Variants in PLXNA4 observed in about 807,000 individuals in gnomAD.
PLXNA4 encodes the protein plexin A4.
Under a neutral mutation model 191.8 loss-of-function variants are expected in PLXNA4, and 44 were observed. The observed-to-expected ratio is 0.23, with a 90% CI of 0.18 to 0.29. PLXNA4 has a LOEUF of 0.29. PLXNA4 is among the 10% of genes least tolerant of loss of function. The pLI is 1.00. For synonymous variants in PLXNA4, 1,082 were observed against 1,009.5 expected (o/e 1.07, Z -1.36); for missense variants, 1,800 against 2,488.8 (o/e 0.72, Z 5.89).
chr7:132,621,211 C>T (rs1322257382), intron 2 of PLXNA4, among the ~76,000 whole-genome samples: 1 of 149,502 alleles, frequency 6.7e-6, no homozygotes, highest in Admixed American at 6.7e-5. Flanking sequence ...AACTGCTGGT[C>T]ATTTAGGTGA....
intron 2 of PLXNA4, among the ~76,000 whole-genome samples, chr7:132,621,800 C>T (rs1363927287): frequency 6.6e-6 from 1 of 152,218 alleles, no homozygotes; most frequent in Non-Finnish European, 1.5e-5. Context: ...CATCATCAAA[C>T]TTTAAAACCA....
intron 4 of PLXNA4, among the ~76,000 whole-genome samples, chr7:132,293,406 A>G (rs1478886541): frequency 6.6e-6 from 1 of 152,162 alleles, no homozygotes; most frequent in Non-Finnish European, 1.5e-5. Flanking sequence ...AAACCACCGG[A>G]TCTTGTGAGA....
chr7:132,299,135 A>C (rs1212589332), intron 3 of PLXNA4, among the ~76,000 whole-genome samples: 1 of 152,202 alleles, frequency 6.6e-6, no homozygotes, highest in Middle Eastern at 3.2e-3. Flanking sequence ...TGCTAAAAAC[A>C]CCACTCCCAT....
chr7:132,246,764 A>G (rs1055196863), intron 4 of PLXNA4, among the ~76,000 whole-genome samples: 2 of 141,198 alleles, frequency 1.4e-5, no homozygotes, highest in African/African-American at 5.8e-5. Context: ...GCTGTTGTAC[A>G]TGCAATCATC....
At chr7:132,192,603 A>G (rs955230354) in intron 14 of PLXNA4, among the ~76,000 whole-genome samples, 1 of 151,686 alleles carries the variant, frequency 6.6e-6, no homozygotes, top group African/African-American at 2.4e-5. Flanking sequence ...TGAAAGCCAA[A>G]CTCCCCATGA....
At chr7:132,334,855 C>G (rs910237417) in intron 3 of PLXNA4, among the ~76,000 whole-genome samples, 1 of 152,192 alleles carries the variant, frequency 6.6e-6, no homozygotes, top group African/African-American at 2.4e-5. Context: ...ACAAAAGACT[C>G]TCCCCAGGGT....
chr7:132,148,962 A>G (rs867994116), intron 25 of PLXNA4, among the ~76,000 whole-genome samples: 1 of 152,212 alleles, frequency 6.6e-6, no homozygotes, highest in Non-Finnish European at 1.5e-5. Flanking sequence ...CAAACAAAAG[A>G]GGCACATAAT....
intron 5 of PLXNA4, 86 bp downstream of exon 5, chr7:132,240,980 G>GGAA: frequency 1.1e-6 from 1 of 877,032 alleles, no homozygotes; most frequent in Non-Finnish European, 1.7e-6. Context: ...CAGATCAAAG[G>GGAA]GAAGGGCAGT....
intron 4 of PLXNA4, among the ~76,000 whole-genome samples, chr7:132,291,257 C>A (rs1800881263): frequency 6.6e-6 from 1 of 152,214 alleles, no homozygotes; most frequent in South Asian, 2.1e-4. Flanking sequence ...CTGCTTTTTG[C>A]TCAAAAGTTC....
At chr7:132,228,620 G>T in intron 5 of PLXNA4, 151 bp from the exon 6 acceptor site, 1 of 1,011,634 alleles carries the variant, frequency 9.9e-7, no homozygotes, top group Non-Finnish European at 1.4e-6. Flanking sequence ...CCTCAAGCCT[G>T]GTCCTCCTCC....
At chr7:132,564,647 C>T (rs1164432807) in intron 1 of PLXNA4, among the ~76,000 whole-genome samples, 1 of 152,206 alleles carries the variant, frequency 6.6e-6, no homozygotes, top group African/African-American at 2.4e-5. Flanking sequence ...ACAGTAGGCA[C>T]TCAATAAATA....
At chr7:132,291,136 C>T (rs903432466) in intron 4 of PLXNA4, among the ~76,000 whole-genome samples, 9 of 152,132 alleles carry the variant, frequency 5.9e-5, no homozygotes, top group Admixed American at 2.0e-4. Flanking sequence ...GCAGCCCGTC[C>T]GGTGTCCTCA....
At chr7:132,511,644 T>C (rs145343174) in intron 1 of PLXNA4, among the ~76,000 whole-genome samples, 162 of 152,192 alleles carry the variant, frequency 1.1e-3, no homozygotes, top group East Asian at 3.1e-3. Flanking sequence ...GTTAAGTGCT[T>C]AGGAAATGAT....
intron 27 of PLXNA4, 129 bp downstream of exon 27, chr7:132,147,771 C>T: frequency 1.6e-6 from 2 of 1,276,238 alleles, no homozygotes; most frequent in Non-Finnish European, 2.2e-6. Context: ...GCTCTCTTCC[C>T]CGATGGTCAG....
At chr7:132,546,830 T>C (rs954484876) in intron 1 of PLXNA4, among the ~76,000 whole-genome samples, 3 of 152,178 alleles carry the variant, frequency 2.0e-5, no homozygotes, top group Non-Finnish European at 4.4e-5. Flanking sequence ...GCAGGGACTT[T>C]GTAACTTTCA....
At chr7:132,240,589 C>T (rs10244207) in intron 5 of PLXNA4, among the ~76,000 whole-genome samples, 1 of 152,166 alleles carries the variant, frequency 6.6e-6, no homozygotes, top group South Asian at 2.1e-4. Flanking sequence ...TCCTTTGGAG[C>T]TGTTGAAGTA....
intron 2 of PLXNA4, among the ~76,000 whole-genome samples, chr7:132,596,035 T>A (rs1455377187): frequency 6.6e-6 from 1 of 152,230 alleles, no homozygotes; most frequent in African/African-American, 2.4e-5. Flanking sequence ...TAGGGTTTTT[T>A]TACAATTACC....
At chr7:132,526,612 C>T (rs1221980999) in intron 1 of PLXNA4, among the ~76,000 whole-genome samples, 2 of 152,196 alleles carry the variant, frequency 1.3e-5, no homozygotes, top group East Asian at 1.9e-4. Context: ...AGTGCATGTA[C>T]TCCTGGCGCC....
chr7:132,529,884 C>T (rs933644389), intron 1 of PLXNA4, among the ~76,000 whole-genome samples: 14 of 152,166 alleles, frequency 9.2e-5, no homozygotes, highest in African/African-American at 4.8e-5. Flanking sequence ...GGATTACAGG[C>T]GTGAGCCACC....
Sources: gnomAD v4.1 joint callset for allele counts (sites outside exome capture counted in the v4.1 genomes callset) on GRCh38, gnomAD v4.1.1 for gene constraint, MANE v1.5 for transcripts, NCBI Gene and HGNC (gene_info 2026-07-23, HGNC 2026-07-21) for gene names.